Variants in LIX1L observed in about 807,000 individuals in gnomAD.
The protein encoded by LIX1L is limb and CNS expressed 1 like.
In LIX1L, 20 loss-of-function variants were observed where a neutral mutation model predicts 34.0. That is an observed-to-expected ratio of 0.59 (90% CI 0.41 to 0.85). The LOEUF is 0.85. Among genes scored for constraint, LIX1L ranks in the 40% least tolerant of loss-of-function variants. The probability of loss-of-function intolerance (pLI) is 0.00; values close to 1 mark genes in which losing one functional copy is unlikely to be tolerated. For synonymous variants in LIX1L, 170 were observed against 187.4 expected (o/e 0.91, Z 0.76); for missense variants, 397 against 447.0 (o/e 0.89, Z 1.01).
In LIX1L at chr1:145,937,664, C is replaced by A. The variant is rs1553758025; in HGVS notation, c.633G>T (p.Gly211=). The change falls in exon 4 of 6, where the codon GGG becomes GGT. Residue 211 remains glycine, a synonymous_variant. Coordinates refer to ENST00000604000, the MANE Select transcript of LIX1L (RefSeq NM_153713.3). ...NREEADNPNT[G]IGAFRFMLES... is the part of the protein sequence containing the mutation. ...CCAGCATGAATCGGAAGGCACCAAT[C>A]CCTGTATTTGGGTTGTCAGCTTCCT... 6 of 1,613,692 alleles carry A rather than the reference C, an allele frequency of 3.7e-6. No homozygotes were observed. In the South Asian group the frequency reaches 6.6e-5, roughly 18 times the overall value.
At chr1:145,940,706 A>G (rs1553758563) in intron 3 of LIX1L, among the ~76,000 whole-genome samples, 1 of 145,746 alleles carries the variant, frequency 6.9e-6, no homozygotes, top group Non-Finnish European at 1.5e-5. Context: ...GCGCACCACC[A>G]CACCTGGCTA....
At chr1:145,938,746 C>G (rs1201255997) in intron 3 of LIX1L, among the ~76,000 whole-genome samples, 1 of 152,012 alleles carries the variant, frequency 6.6e-6, no homozygotes, top group Non-Finnish European at 1.5e-5. Flanking sequence ...CGCCATCACG[C>G]CCGGCTAATT....
rs1447417732 is a variant in LIX1L at position 145,933,484 on chromosome 1, A to ACT, written c.*2824_*2825dup. 4.3e-4 allele frequency: 66 copies of ACT among 152,366 alleles called. No homozygotes were observed. The highest frequency in any genetic ancestry group is 4.2e-3 in the Admixed American group (65 of 15,310). The allele number at this position is 152,366 out of a possible 1,614,324, so 9.4% of individuals were successfully genotyped here. On this transcript the variant is annotated 3_prime_UTR_variant, in exon 6 of 6. Coordinates refer to ENST00000604000, the MANE Select transcript of LIX1L (RefSeq NM_153713.3). The stretch of plus-strand genomic sequence containing the variant: ...TATACATATAAAATACATAGAATGT[A>ACT]CTAAGAAGATGAGTAAAATCTTTGA...
rs782185785 is a variant in LIX1L at position 145,957,914 on chromosome 1, C to G, written c.14G>C (p.Arg5Pro). The change falls in exon 1 of 6, where the codon CGA becomes CCA. Residue 5 changes from arginine (R) to proline (P), a missense_variant. Around this residue, in one of 3 missense-constraint regions of LIX1L, gnomAD observed 207 missense variants for 205.2 expected, o/e 1.01. Coordinates refer to ENST00000604000, the MANE Select transcript of LIX1L (RefSeq NM_153713.3). The part of the protein sequence containing the change: METM[R>P]AQRLQPGVGT... ...CACACCAGGCTGCAGCCGCTGCGCT[C>G]GCATAGTCTCCATCCCGGCCGCCAA... 1.9e-5 allele frequency: 28 copies of G among 1,489,086 alleles called. No individual in the cohort carries two copies. The Admixed American group carries it at 6.4e-4, about 34-fold the overall frequency. The allele number at this position is 1,489,086 out of a possible 1,614,324, so 92.2% of individuals were successfully genotyped here. A position where few individuals can be genotyped will look rare whatever the true frequency, so the allele number is the denominator to read the frequency against.
chr1:145,947,874 A>C, intron 1 of LIX1L, 92 bp from the exon 2 acceptor site: 1 of 1,137,272 alleles, frequency 8.8e-7, no homozygotes, highest in South Asian at 1.4e-5. Flanking sequence ...CTGTACCTAC[A>C]TTAAGAGTCT....
rs1353097798 is a variant in LIX1L, at chr1:145,935,255, G to A, written c.*1055C>T. On this transcript the variant is annotated 3_prime_UTR_variant, in exon 6 of 6. Transcript: ENST00000604000. ...TGCAGTCTCCCAAGGTGTCAATTAGGAAGTGCCAAAATACTAAAGTCTCAT... is the reference window on the plus strand; with the variant it reads ...TGCAGTCTCCCAAGGTGTCAATTAGAAAGTGCCAAAATACTAAAGTCTCAT... 6.6e-6 allele frequency: 1 copy of A among 151,912 alleles called. No individual in the cohort carries two copies. The highest frequency in any genetic ancestry group is 1.5e-5 in the Non-Finnish European group (1 of 68,014). The allele number at this position is 151,912 out of a possible 1,614,324, so 9.4% of individuals were successfully genotyped here.
rs2101888529 is a variant in LIX1L, at chr1:145,934,265, G to A, written c.*2045C>T. 1 of 152,304 alleles carries A rather than the reference G, an allele frequency of 6.6e-6. No homozygotes were observed. The highest frequency in any genetic ancestry group is 2.4e-5 in the African/African-American group (1 of 41,562). The allele number at this position is 152,304 out of a possible 1,614,324, so 9.4% of individuals were successfully genotyped here. On this transcript the variant is annotated 3_prime_UTR_variant, in exon 6 of 6. Coordinates refer to ENST00000604000, the MANE Select transcript of LIX1L (RefSeq NM_153713.3). Reference sequence around the variant, plus strand: ...TTATGTCACCCAGGAGAGAAGTGGGGGAGAATGGTGTTAAAAACACAAATA... The same window carrying A: ...TTATGTCACCCAGGAGAGAAGTGGGAGAGAATGGTGTTAAAAACACAAATA...
At chr1:145,951,302 CT>C (rs1553759820) in intron 1 of LIX1L, among the ~76,000 whole-genome samples, 1 of 152,204 alleles carries the variant, frequency 6.6e-6, no homozygotes, top group East Asian at 1.9e-4. Context: ...CTGCCTCGGC[CT>C]CCCAAACTGC....
chr1:145,943,618 C>T (rs1413819358), intron 2 of LIX1L, among the ~76,000 whole-genome samples: 1 of 152,160 alleles, frequency 6.6e-6, no homozygotes, highest in African/African-American at 2.4e-5. Flanking sequence ...TATTCAACTT[C>T]AGATCTCTAG....
intron 1 of LIX1L, among the ~76,000 whole-genome samples, chr1:145,955,209 G>A (rs1357448303): frequency 6.6e-6 from 1 of 152,212 alleles, no homozygotes; most frequent in Non-Finnish European, 1.5e-5. Flanking sequence ...CAAATCCCAT[G>A]CACTACAAAC....
Position 145,934,593 on chromosome 1 carries a change from A to T in LIX1L, c.*1717T>A, listed in dbSNP as rs587633554. On this transcript the variant is annotated 3_prime_UTR_variant, in exon 6 of 6. Coordinates refer to ENST00000604000, the MANE Select transcript of LIX1L (RefSeq NM_153713.3). ...CGTCTCAAAAAAAAAAAAAACACACAAATAGTTTGGGAGGCCGAGGCAGGT... is the reference window on the plus strand; with the variant it reads ...CGTCTCAAAAAAAAAAAAAACACACTAATAGTTTGGGAGGCCGAGGCAGGT... 7.4e-6 allele frequency: 1 copy of T among 135,158 alleles called. No homozygotes were observed. The highest frequency in any genetic ancestry group is 2.7e-5 in the African/African-American group (1 of 37,692). The allele number at this position is 135,158 out of a possible 1,614,324, so 8.4% of individuals were successfully genotyped here. A position where few individuals can be genotyped will look rare whatever the true frequency, so the allele number is the denominator to read the frequency against.
At chr1:145,949,290 G>A (rs1163879727) in intron 1 of LIX1L, among the ~76,000 whole-genome samples, 2 of 152,142 alleles carry the variant, frequency 1.3e-5, no homozygotes, top group Admixed American at 6.5e-5. Context: ...GATAGATGTC[G>A]GCGTATCTGA....
At chr1:145,951,204 G>A (rs1649287713) in intron 1 of LIX1L, among the ~76,000 whole-genome samples, 1 of 152,092 alleles carries the variant, frequency 6.6e-6, no homozygotes, top group South Asian at 2.1e-4. Flanking sequence ...ATGCCGCCAC[G>A]CCTGGCTAAT....
chr1:145,957,673 C>A lies in LIX1L; in HGVS notation c.255G>T (p.Val85=). The change falls in exon 1 of 6, where the codon GTG becomes GTT. Residue 85 remains valine, a synonymous_variant. Transcript: ENST00000604000. ...CCTGCGTGTGCTTGGCGAAGCTCCT[C>A]ACCACGGCCTCCACGGCCTCTCGCA... ...AVLREAVEAV[V]RSFAKHTQGY... 1 of 1,541,566 alleles carries A rather than the reference C, an allele frequency of 6.5e-7. No homozygotes were observed. The highest frequency in any genetic ancestry group is 8.7e-7 in the Non-Finnish European group (1 of 1,149,816).
chr1:145,941,316 A>T (rs868966529), intron 3 of LIX1L: 2 of 151,068 alleles, frequency 1.3e-5, no homozygotes, highest in African/African-American at 4.9e-5. Context: ...ACAATGGCAC[A>T]ATCTCAGCTC....
rs184759686 is a variant in LIX1L at position 145,936,577 on chromosome 1, A to G, written c.772-25T>C. ...CCTAGTAGGGGAGGGGAATGTGAAC[A>G]TCATTGAGAAGGTAAAGGTTCATAT... On this transcript the variant is annotated intron_variant, in intron 5 of 5. Coordinates refer to ENST00000604000, the MANE Select transcript of LIX1L (RefSeq NM_153713.3). 3.1e-6 allele frequency: 5 copies of G among 1,613,466 alleles called. No homozygotes were observed. The African/African-American group carries it at 6.7e-5, about 22-fold the overall frequency.
At position 145,937,670 on chromosome 1, in the gene LIX1L, A is replaced by G; in HGVS notation, c.627T>C (p.Asn209=). The change falls in exon 4 of 6, where the codon AAT becomes AAC. Residue 209 remains asparagine (N), a synonymous_variant. Coordinates refer to ENST00000604000, the MANE Select transcript of LIX1L (RefSeq NM_153713.3). ...NGNREEADNP[N]TGIGAFRFML... is the part of the protein sequence containing the mutation. ...TGAATCGGAAGGCACCAATCCCTGT[A>G]TTTGGGTTGTCAGCTTCCTCCCTGT... is the stretch of plus-strand genomic sequence containing the variant. 3 of 1,613,664 alleles carry G rather than the reference A, an allele frequency of 1.9e-6. No homozygotes were observed. Among genetic ancestry groups the G allele is most frequent in the Non-Finnish European group, 2.5e-6 (3 of 1,179,630 alleles).
At chr1:145,950,482 T>G (rs1482704775) in intron 1 of LIX1L, 1 of 152,234 alleles carries the variant, frequency 6.6e-6, no homozygotes, top group East Asian at 1.9e-4. Context: ...GTTCATGTCA[T>G]TCTCCTGCCT....
At chr1:145,957,511 G>GAAGGAAACTCCCCAA in intron 1 of LIX1L, 125 bp downstream of exon 1, 1 of 1,293,564 alleles carries the variant, frequency 7.7e-7, no homozygotes, top group Non-Finnish European at 9.8e-7. Flanking sequence ...GCGTAGCCCA[G>GAAGGAAACTCCCCAA]AAGGAAACTC....
Sources: allele counts gnomAD v4.1 joint callset (sites outside exome capture counted in the v4.1 genomes callset), GRCh38; gene constraint gnomAD v4.1.1; regional missense constraint gnomAD v4.1.1; transcripts MANE v1.5; gene names NCBI Gene and HGNC (gene_info 2026-07-23, HGNC 2026-07-21).